Variants in AGAP1 observed in about 807,000 individuals in gnomAD.
The protein encoded by AGAP1 is ArfGAP with GTPase domain, ankyrin repeat and PH domain 1, also known as arf-GAP with GTPase, ANK repeat and PH domain-containing protein 1.
AGAP1 carries 29 observed loss-of-function variants against 105.3 expected under a neutral mutation model. The observed-to-expected ratio is 0.28, with a 90% CI of 0.21 to 0.38. The LOEUF is 0.38. Ranked by LOEUF, AGAP1 falls within the 10% of genes least tolerant of loss-of-function variation. The pLI is 1.00. For missense variants in AGAP1, 998 were observed against 1,165.1 expected, an observed-to-expected ratio of 0.86 and a Z score of 2.09; for synonymous variants, 509 against 485.9, an observed-to-expected ratio of 1.05 and a Z score of -0.63.
intron 16 of AGAP1, among the ~76,000 whole-genome samples, chr2:236,077,550 C>T (rs2058672840): frequency 1.3e-5 from 2 of 152,014 alleles, no homozygotes; most frequent in East Asian, 1.9e-4. Context: ...AATTCCTAAC[C>T]TCAGGTGATC....
At chr2:235,587,461 C>T (rs1288707501) in intron 1 of AGAP1, among the ~76,000 whole-genome samples, 1 of 152,130 alleles carries the variant, frequency 6.6e-6, no homozygotes, top group Non-Finnish European at 1.5e-5. Context: ...TTGTTTAAGT[C>T]TCCCAACAGG....
At position 236,042,539 on chromosome 2, in the gene AGAP1, A is replaced by T. The variant is rs1281724824; in HGVS notation, c.1891+1698A>T. ...AGTAAGAGCTTTTTTAAAAGCACGA[A>T]TCTGAGAAATATTAGAACATCCATT... On this transcript the variant is annotated intron_variant, in intron 15 of 17. Transcript: ENST00000304032. This position sits in a 1 kb window ranked among gnomAD's most constrained non-coding sequence, Gnocchi z 5.6. Among the ~76,000 whole-genome samples, 1 of 152,248 alleles carries T rather than the reference A, an allele frequency of 6.6e-6. No individual in the cohort carries two copies. Among genetic ancestry groups the T allele is most frequent in the African/African-American group, 2.4e-5 (1 of 41,470 alleles).
rs374754076 is a variant in AGAP1 at position 235,919,709 on chromosome 2, A to AACAC, written c.1324+10816_1324+10819dup. Among the ~76,000 whole-genome samples the AACAC allele has an allele frequency of 6.6e-6, 1 of 151,908 alleles. No individual in the cohort carries two copies. Among genetic ancestry groups the AACAC allele is most frequent in the African/African-American group, 2.4e-5 (1 of 41,368 alleles). ...AAATGAAAATGAATTTCATGTTAAA[A>AACAC]ACACACACACACACACCTGTTGCAT... is the stretch of plus-strand genomic sequence containing the variant. On this transcript the variant is annotated intron_variant, in intron 11 of 17. Transcript: ENST00000304032. The surrounding 1 kb of genome is among the most constrained non-coding windows in gnomAD (Gnocchi z 4.1).
intron 1 of AGAP1, among the ~76,000 whole-genome samples, chr2:235,704,521 C>T (rs1328774134): frequency 1.3e-5 from 2 of 152,206 alleles, no homozygotes; most frequent in East Asian, 1.9e-4. Flanking sequence ...TGGCGGGCGC[C>T]TGTAGTCCCA....
chr2:235,568,316 G>T (rs1275469755), intron 1 of AGAP1, among the ~76,000 whole-genome samples: 2 of 152,210 alleles, frequency 1.3e-5, no homozygotes, highest in Non-Finnish European at 2.9e-5. Flanking sequence ...GCTGTTCGTG[G>T]GCTGCCTGCT....
chr2:236,069,660 G>C (rs1323011668), intron 16 of AGAP1, among the ~76,000 whole-genome samples: 1 of 152,190 alleles, frequency 6.6e-6, no homozygotes, highest in Non-Finnish European at 1.5e-5. Flanking sequence ...CTGACCTCAA[G>C]TGATCTGCCC....
At chr2:235,709,156 C>T in intron 1 of AGAP1, 23 bp from the exon 2 acceptor site, 1 of 1,613,692 alleles carries the variant, frequency 6.2e-7, no homozygotes, top group Non-Finnish European at 8.5e-7. Flanking sequence ...TGGTGTCTGA[C>T]TTTGTGTCCT....
intron 1 of AGAP1, among the ~76,000 whole-genome samples, chr2:235,651,404 T>G (rs1353224236): frequency 6.6e-6 from 1 of 152,052 alleles, no homozygotes; most frequent in Non-Finnish European, 1.5e-5. Context: ...TTTGACAAGC[T>G]TAAGGGAAAC....
At chr2:235,680,224 G>A (rs1948988977) in intron 1 of AGAP1, among the ~76,000 whole-genome samples, 1 of 152,216 alleles carries the variant, frequency 6.6e-6, no homozygotes, top group African/African-American at 2.4e-5. Flanking sequence ...TAGAAGAGTG[G>A]TAAAATCTGC....
intron 12 of AGAP1, among the ~76,000 whole-genome samples, chr2:235,932,396 A>C (rs1440970458): frequency 6.6e-6 from 1 of 152,238 alleles, no homozygotes; most frequent in Non-Finnish European, 1.5e-5. Flanking sequence ...CTTTAGGAGG[A>C]GCAGAGAGTT....
At chr2:236,065,593 G>C (rs1332531377) in intron 16 of AGAP1, among the ~76,000 whole-genome samples, 2 of 152,330 alleles carry the variant, frequency 1.3e-5, no homozygotes, top group Non-Finnish European at 2.9e-5. Context: ...AGGGGCTGCA[G>C]AGCTTAGAAA....
chr2:235,545,894 T>G (rs1420408495), intron 1 of AGAP1, among the ~76,000 whole-genome samples: 1 of 152,204 alleles, frequency 6.6e-6, no homozygotes, highest in African/African-American at 2.4e-5. Context: ...TGCTGAGTAT[T>G]TGGGTGACTG....
At chr2:235,885,848 T>C (rs938902608) in intron 10 of AGAP1, among the ~76,000 whole-genome samples, 5 of 152,262 alleles carry the variant, frequency 3.3e-5, no homozygotes, top group Non-Finnish European at 7.3e-5. Flanking sequence ...GATGCAGATA[T>C]GGATAGATTC....
At chr2:235,558,459 C>T (rs1304847432) in intron 1 of AGAP1, among the ~76,000 whole-genome samples, 1 of 152,128 alleles carries the variant, frequency 6.6e-6, no homozygotes, top group South Asian at 2.1e-4. Context: ...GAAATCTGAC[C>T]TCTCAAGCCC....
chr2:235,881,076 C>G (rs928292762), intron 9 of AGAP1, among the ~76,000 whole-genome samples: 9 of 152,176 alleles, frequency 5.9e-5, no homozygotes, highest in Non-Finnish European at 1.0e-4. Context: ...AAATCATCTT[C>G]TAAAGTCGTT....
intron 1 of AGAP1, among the ~76,000 whole-genome samples, chr2:235,602,046 G>A (rs553735238): frequency 5.3e-5 from 8 of 152,286 alleles, no homozygotes; most frequent in East Asian, 1.9e-4. Flanking sequence ...GATAAACACC[G>A]ATGTCCTTAC....
chr2:236,020,877 G>A lies in AGAP1; in HGVS notation c.1646-15684G>A, dbSNP rs2056860481. Among the ~76,000 whole-genome samples, 1 of 152,090 alleles carries A rather than the reference G, an allele frequency of 6.6e-6. No homozygotes were observed. The highest frequency in any genetic ancestry group is 1.5e-5 in the Non-Finnish European group (1 of 68,012). ...TGAGCAGCACCAACTAAGAACTAAT[G>A]CAGGTAGGCCGGGCACAGTGGCTCA... On this transcript the variant is annotated intron_variant, in intron 13 of 17. Transcript: ENST00000304032. The surrounding 1 kb of genome is among the most constrained non-coding windows in gnomAD (Gnocchi z 5.0).
intron 1 of AGAP1, among the ~76,000 whole-genome samples, chr2:235,563,188 A>G (rs1944221099): frequency 6.6e-6 from 1 of 152,068 alleles, no homozygotes; most frequent in South Asian, 2.1e-4. Flanking sequence ...CCAGCATCTC[A>G]TGCCTCGCAC....
intron 13 of AGAP1, among the ~76,000 whole-genome samples, chr2:235,996,193 A>G (rs1338455132): frequency 1.3e-5 from 2 of 152,240 alleles, no homozygotes; most frequent in Non-Finnish European, 2.9e-5. Context: ...AATTAGTAGC[A>G]GCCATTGTCA....
Sources: allele counts gnomAD v4.1 joint callset (sites outside exome capture counted in the v4.1 genomes callset), GRCh38; gene constraint gnomAD v4.1.1; non-coding constraint Gnocchi (gnomAD v3.1); transcripts MANE v1.5; gene names NCBI Gene and HGNC (gene_info 2026-07-23, HGNC 2026-07-21).